The following PTPRT variants were observed in gnomAD, a reference collection of about 807,000 sequenced individuals.
PTPRT encodes the protein protein tyrosine phosphatase receptor type T.
PTPRT carries 56 observed loss-of-function variants against 176.8 expected under a neutral mutation model. The observed-to-expected ratio is 0.32, with a 90% CI of 0.26 to 0.40. The LOEUF is 0.40. PTPRT is among the 10% of genes least tolerant of loss of function. The pLI is 1.00. For synonymous variants in PTPRT, 783 were observed against 739.0 expected (o/e 1.06, Z -0.96); for missense variants, 1,540 against 1,908.2 (o/e 0.81, Z 3.60).
intron 1 of PTPRT, among the ~76,000 whole-genome samples, chr20:43,024,199 C>G (rs529199072): frequency 3.9e-5 from 6 of 152,286 alleles, no homozygotes; most frequent in Non-Finnish European, 7.3e-5. Flanking sequence ...CATAATGGAG[C>G]AATACTAGTG....
At chr20:42,724,239 TA>T (rs2076344471) in intron 6 of PTPRT, among the ~76,000 whole-genome samples, 1 of 152,222 alleles carries the variant, frequency 6.6e-6, no homozygotes, top group Non-Finnish European at 1.5e-5. Context: ...AAATATTACA[TA>T]ACAATGAAAA....
At chr20:42,642,230 C>T (rs1040383535) in intron 7 of PTPRT, among the ~76,000 whole-genome samples, 4 of 152,206 alleles carry the variant, frequency 2.6e-5, no homozygotes, top group East Asian at 1.9e-4. Flanking sequence ...GCTAGAGGGC[C>T]TTGGGTGTGG....
intron 9 of PTPRT, among the ~76,000 whole-genome samples, chr20:42,394,274 G>T (rs1207893379): frequency 1.3e-5 from 2 of 152,106 alleles, no homozygotes; most frequent in Non-Finnish European, 2.9e-5. Flanking sequence ...ATTCCACCTC[G>T]AGAATAAATA....
At chr20:42,678,265 A>T (rs2075543418) in intron 6 of PTPRT, 106 bp from the exon 7 acceptor site, 1 of 1,047,220 alleles carries the variant, frequency 9.5e-7, no homozygotes, top group Admixed American at 3.0e-5. Context: ...GCCACAAAAA[A>T]AATAGTCAGA....
intron 2 of PTPRT, among the ~76,000 whole-genome samples, chr20:42,810,077 G>A (rs975723395): frequency 5.9e-5 from 9 of 152,146 alleles, no homozygotes; most frequent in Non-Finnish European, 1.2e-4. Flanking sequence ...TGGATTGCCT[G>A]AGCTCTGGAG....
At chr20:42,353,163 A>G (rs1246730703) in intron 9 of PTPRT, among the ~76,000 whole-genome samples, 1 of 152,218 alleles carries the variant, frequency 6.6e-6, no homozygotes, top group Non-Finnish European at 1.5e-5. Flanking sequence ...GCCAGTGGTC[A>G]CCATGCTGGA....
At chr20:42,095,231 A>G (rs1985080081) in intron 27 of PTPRT, among the ~76,000 whole-genome samples, 1 of 152,222 alleles carries the variant, frequency 6.6e-6, no homozygotes, top group East Asian at 1.9e-4. Context: ...CACAGCAGCC[A>G]GAGGGATGCT....
At chr20:42,599,500 G>A (rs1181298673) in intron 7 of PTPRT, among the ~76,000 whole-genome samples, 1 of 152,132 alleles carries the variant, frequency 6.6e-6, no homozygotes, top group East Asian at 1.9e-4. Context: ...GAGATGGGGT[G>A]CAATGGGAGG....
At chr20:42,641,912 A>C (rs747122070) in intron 7 of PTPRT, among the ~76,000 whole-genome samples, 1 of 152,140 alleles carries the variant, frequency 6.6e-6, no homozygotes, top group Non-Finnish European at 1.5e-5. Flanking sequence ...CTGACTTCTA[A>C]GCGTCTTAGA....
At chr20:42,950,136 C>T (rs6065556) in intron 1 of PTPRT, among the ~76,000 whole-genome samples, 17 of 152,310 alleles carry the variant, frequency 1.1e-4, no homozygotes, top group Admixed American at 5.2e-4. Flanking sequence ...CCCAAGAGAG[C>T]TAGTTAGCTA....
chr20:42,681,137 A>G (rs534604315), intron 6 of PTPRT, among the ~76,000 whole-genome samples: 1 of 152,366 alleles, frequency 6.6e-6, no homozygotes, highest in East Asian at 1.9e-4. Context: ...TTTGGTAAGC[A>G]GCACATTATT....
intron 1 of PTPRT, among the ~76,000 whole-genome samples, chr20:42,947,985 TTGAATGAATGAA>T (rs57263700): frequency 2.0e-5 from 3 of 152,032 alleles, no homozygotes; most frequent in Non-Finnish European, 2.9e-5. Flanking sequence ...CATGCATTTG[TTGAATGAATGAA>T]TGAATGAATG....
intron 1 of PTPRT, among the ~76,000 whole-genome samples, chr20:43,002,599 ATTAT>A (rs1984639837): frequency 1.3e-5 from 2 of 152,318 alleles, no homozygotes; most frequent in South Asian, 2.1e-4. Flanking sequence ...GAACAAAATA[ATTAT>A]TTCAACAGCT....
At chr20:42,690,882 G>A (rs2075782268) in intron 6 of PTPRT, among the ~76,000 whole-genome samples, 1 of 152,178 alleles carries the variant, frequency 6.6e-6, no homozygotes, top group Non-Finnish European at 1.5e-5. Context: ...TCCTTGTGAA[G>A]ATCAAGTGTA....
intron 7 of PTPRT, among the ~76,000 whole-genome samples, chr20:42,496,050 GA>G (rs986623494): frequency 2.6e-5 from 4 of 152,032 alleles, no homozygotes; most frequent in East Asian, 1.9e-4. Context: ...GTAAGCTAGA[GA>G]AAAAAATATT....
rs551361843 is a variant in PTPRT at position 42,833,276 on chromosome 20, A to AG, written c.215-41811_215-41810insC. On this transcript the variant is annotated intron_variant, in intron 2 of 30. Coordinates refer to ENST00000373187, the MANE Select transcript of PTPRT (RefSeq NM_007050.6). Reference sequence around the variant, plus strand: ...CTCAAAACACTGAAATTAAAAGAAAAAAAAAAAAACTTGGCCAAGCATGAA... The same window carrying AG: ...CTCAAAACACTGAAATTAAAAGAAAAGAAAAAAAAACTTGGCCAAGCATGAA... 6.1e-4 allele frequency among the ~76,000 whole-genome samples: 92 copies of AG among 151,756 alleles called. 2 individuals are homozygous for AG. The East Asian group carries it at 0.017, about 28-fold the overall frequency.
chr20:42,391,934 C>T (rs1404336132), intron 9 of PTPRT, among the ~76,000 whole-genome samples: 1 of 152,274 alleles, frequency 6.6e-6, no homozygotes, highest in East Asian at 1.9e-4. Flanking sequence ...GGATGCCCTA[C>T]AGGAGTCAAC....
intron 16 of PTPRT, among the ~76,000 whole-genome samples, chr20:42,186,367 C>T (rs1013748588): frequency 6.0e-5 from 9 of 150,560 alleles, no homozygotes; most frequent in Admixed American, 4.6e-4. Context: ...CCTCCCATCC[C>T]ACGCTCCTTC....
At chr20:42,701,038 A>G (rs1236662710) in intron 6 of PTPRT, among the ~76,000 whole-genome samples, 1 of 152,020 alleles carries the variant, frequency 6.6e-6, no homozygotes, top group Non-Finnish European at 1.5e-5. Context: ...CAGCAGACAT[A>G]ACACAACTTG....
Sources: gnomAD v4.1 joint callset for allele counts (sites outside exome capture counted in the v4.1 genomes callset) on GRCh38, gnomAD v4.1.1 for gene constraint, MANE v1.5 for transcripts, NCBI Gene and HGNC (gene_info 2026-07-23, HGNC 2026-07-21) for gene names.